The following SLC24A4 variants were observed in gnomAD, a reference collection of about 807,000 sequenced individuals.
SLC24A4 encodes the protein sodium/potassium/calcium exchanger 4.
Under a neutral mutation model 79.0 loss-of-function variants are expected in SLC24A4, and 53 were observed. The observed-to-expected ratio is 0.67, with a 90% CI of 0.54 to 0.84. The LOEUF (loss-of-function observed/expected upper bound fraction) is 0.84, where lower values mean the gene tolerates loss of function less well. SLC24A4 is among the 40% of genes least tolerant of loss of function. The probability of loss-of-function intolerance (pLI) is 0.00; values close to 1 mark genes in which losing one functional copy is unlikely to be tolerated. For missense variants in SLC24A4, 731 were observed against 822.0 expected (o/e 0.89, Z 1.35); for synonymous variants, 323 against 323.8 (o/e 1.00, Z 0.03).
At chr14:92,442,243 A>G in intron 5 of SLC24A4, 70 bp downstream of exon 5, 1 of 1,245,398 alleles carries the variant, frequency 8.0e-7, no homozygotes, top group Non-Finnish European at 1.2e-6. Flanking sequence ...CAGTGGGGGC[A>G]TTTGTCAGCT....
At chr14:92,421,387 C>G (rs1311088493) in intron 2 of SLC24A4, among the ~76,000 whole-genome samples, 1 of 152,184 alleles carries the variant, frequency 6.6e-6, no homozygotes, top group Non-Finnish European at 1.5e-5. Flanking sequence ...AGTCCCTTCC[C>G]TACCCCCAGT....
intron 2 of SLC24A4, among the ~76,000 whole-genome samples, chr14:92,431,893 C>G (rs923173449): frequency 4.6e-5 from 7 of 152,198 alleles, no homozygotes; most frequent in African/African-American, 1.7e-4. Flanking sequence ...CAGACCGTCT[C>G]AGTGTTAGAG....
At chr14:92,363,251 AGGT>A (rs1887636996) in intron 2 of SLC24A4, among the ~76,000 whole-genome samples, 2 of 152,226 alleles carry the variant, frequency 1.3e-5, no homozygotes, top group Non-Finnish European at 2.9e-5. Flanking sequence ...AAGACCAACC[AGGT>A]CAGCTTGGGG....
intron 14 of SLC24A4, among the ~76,000 whole-genome samples, chr14:92,489,453 G>A (rs150031494): frequency 0.011 from 1,694 of 152,182 alleles, 26 homozygotes; most frequent in African/African-American, 0.038. Flanking sequence ...ATAGCTTCCT[G>A]ATGACAAAAG....
intron 2 of SLC24A4, among the ~76,000 whole-genome samples, chr14:92,338,710 A>T (rs550182362): frequency 8.5e-5 from 13 of 152,266 alleles, no homozygotes; most frequent in Non-Finnish European, 1.6e-4. Flanking sequence ...TACTAAAATA[A>T]ATGCATTTAT....
chr14:92,412,391 C>G (rs1890768783), intron 2 of SLC24A4, among the ~76,000 whole-genome samples: 1 of 152,146 alleles, frequency 6.6e-6, no homozygotes, highest in Admixed American at 6.5e-5. Context: ...CCAGGAGAAC[C>G]AGGGTTTTAG....
intron 2 of SLC24A4, among the ~76,000 whole-genome samples, chr14:92,383,396 T>G (rs569329903): frequency 6.6e-6 from 1 of 152,090 alleles, no homozygotes; most frequent in South Asian, 2.1e-4. Flanking sequence ...ACAAAACACC[T>G]GAATGTCACA....
intron 12 of SLC24A4, among the ~76,000 whole-genome samples, chr14:92,475,653 G>C (rs1410879249): frequency 6.6e-6 from 1 of 152,144 alleles, no homozygotes; most frequent in Non-Finnish European, 1.5e-5. Flanking sequence ...CACAGCACTA[G>C]CAATGGTGTC....
chr14:92,477,604 G>A (rs1894838502), intron 12 of SLC24A4, among the ~76,000 whole-genome samples: 1 of 151,792 alleles, frequency 6.6e-6, no homozygotes, highest in African/African-American at 2.4e-5. Context: ...AGACTAAAAG[G>A]CCACCATGCC....
intron 2 of SLC24A4, among the ~76,000 whole-genome samples, chr14:92,418,544 A>G (rs1891107407): frequency 6.6e-6 from 1 of 152,214 alleles, no homozygotes; most frequent in African/African-American, 2.4e-5. Flanking sequence ...GAATTAATTC[A>G]TATGATTATA....
At chr14:92,346,827 C>T (rs775268531) in intron 2 of SLC24A4, among the ~76,000 whole-genome samples, 4 of 152,076 alleles carry the variant, frequency 2.6e-5, no homozygotes, top group Non-Finnish European at 5.9e-5. Flanking sequence ...ACATTTCCCC[C>T]GGTGATCAAA....
Position 92,456,688 on chromosome 14 carries a change from G to A in SLC24A4, c.1255+80G>A, listed in dbSNP as rs12878418. ...ACCAAGCCCAGGTCTTCAGGATGGA[G>A]GCATGGACTTGTAAGGGCGGCAGAG... On this transcript the variant is annotated intron_variant, in intron 12 of 16. Transcript: ENST00000532405. 376,761 of 1,437,064 alleles carry A rather than the reference G, an allele frequency of 0.26. 50,659 individuals are homozygous for A. Among genetic ancestry groups the A allele is most frequent in the Non-Finnish European group, 0.27 (285,141 of 1,045,870 alleles). The allele number at this position is 1,437,064 out of a possible 1,614,324, so 89.0% of individuals were successfully genotyped here.
At position 92,372,522 on chromosome 14, in the gene SLC24A4, C is replaced by T. The variant is rs554169831; in HGVS notation, c.241+46544C>T. Among the ~76,000 whole-genome samples, 3 of 152,212 alleles carry T rather than the reference C, an allele frequency of 2.0e-5. No homozygotes were observed. In the South Asian group the frequency reaches 6.2e-4, roughly 32 times the overall value. On this transcript the variant is annotated intron_variant, in intron 2 of 16. Coordinates refer to ENST00000532405, the MANE Select transcript of SLC24A4 (RefSeq NM_153646.4). The stretch of plus-strand genomic sequence containing the variant: ...GGCAGAGAATGGGTAGGGACTTCTC[C>T]CATCAATTATCCTGTATGTACTGGT...
intron 10 of SLC24A4, among the ~76,000 whole-genome samples, chr14:92,449,900 T>C (rs867205209): frequency 2.0e-5 from 3 of 152,366 alleles, no homozygotes; most frequent in Middle Eastern, 3.4e-3. Context: ...TACTGAATTC[T>C]CTGAATCATC....
chr14:92,396,418 T>C (rs192549490), intron 2 of SLC24A4, among the ~76,000 whole-genome samples: 111 of 152,260 alleles, frequency 7.3e-4, no homozygotes, highest in Middle Eastern at 6.8e-3. Flanking sequence ...ACAGATGAGG[T>C]TGGGTGAGCC....
intron 12 of SLC24A4, among the ~76,000 whole-genome samples, chr14:92,474,843 G>GTGTGTATATATATATATATATATATATA (rs779007741): frequency 4.2e-5 from 1 of 23,884 alleles, no homozygotes; most frequent in Admixed American, 6.1e-4. Flanking sequence ...GTGTGTGTGT[G>GTGTGTATATATATATATATATATATATA]TATATATATA....
intron 2 of SLC24A4, among the ~76,000 whole-genome samples, chr14:92,408,796 C>G (rs959529104): frequency 6.6e-6 from 1 of 152,122 alleles, no homozygotes; most frequent in Non-Finnish European, 1.5e-5. Flanking sequence ...TACTTGTTCC[C>G]CCAACAGGAA....
chr14:92,438,437 G>T (rs2402146), intron 3 of SLC24A4, among the ~76,000 whole-genome samples: 1 of 151,898 alleles, frequency 6.6e-6, no homozygotes, highest in Non-Finnish European at 1.5e-5. Context: ...GACTCCCCCC[G>T]CCATCTCTAC....
rs566596537 is a variant in SLC24A4, at chr14:92,495,669, T to C, written c.*2041T>C. 3 of 152,326 alleles carry C rather than the reference T, an allele frequency of 2.0e-5. No homozygotes were observed. The highest frequency in any genetic ancestry group is 7.2e-5 in the African/African-American group (3 of 41,570). 9.4% of individuals were successfully genotyped at this position (152,326 alleles called of 1,614,324 possible). Reference sequence around the variant, plus strand: ...GTATGTAGGGATTATTCTCCCCACTTAACAGAAAGTAGTGTCTTGGAGAGG... The same window carrying C: ...GTATGTAGGGATTATTCTCCCCACTCAACAGAAAGTAGTGTCTTGGAGAGG... On this transcript the variant is annotated 3_prime_UTR_variant, in exon 17 of 17. Transcript: ENST00000532405.
Sources: gnomAD v4.1 joint callset for allele counts (sites outside exome capture counted in the v4.1 genomes callset) on GRCh38, gnomAD v4.1.1 for gene constraint, MANE v1.5 for transcripts, NCBI Gene and HGNC (gene_info 2026-07-23, HGNC 2026-07-21) for gene names.